The following NAALADL2 variants were observed in gnomAD, a reference collection of about 807,000 sequenced individuals.
NAALADL2 encodes inactive N-acetylated-alpha-linked acidic dipeptidase-like protein 2.
A neutral mutation model predicts 87.2 loss-of-function variants in NAALADL2; 76 were observed. The ratio of observed to expected loss-of-function variants is 0.87; its 90% CI spans 0.72 to 1.05. NAALADL2 has a LOEUF of 1.05. Among genes scored for constraint, NAALADL2 ranks in the 50% least tolerant of loss-of-function variants. The probability of loss-of-function intolerance (pLI) is 0.00; values close to 1 mark genes in which losing one functional copy is unlikely to be tolerated. For missense variants in NAALADL2, 1,089 were observed against 945.8 expected (o/e 1.15, Z -1.99); for synonymous variants, 354 against 331.0 (o/e 1.07, Z -0.75).
chr3:175,698,411 G>T (rs1330570666), intron 11 of NAALADL2, among the ~76,000 whole-genome samples: 5 of 53,958 alleles, frequency 9.3e-5, no homozygotes, highest in Admixed American at 3.1e-4. Context: ...GTGTATTTAT[G>T]TATGTATACA....
chr3:175,642,492 C>A (rs973239206), intron 11 of NAALADL2, among the ~76,000 whole-genome samples: 1 of 148,988 alleles, frequency 6.7e-6, no homozygotes, highest in African/African-American at 2.5e-5. Flanking sequence ...ATATTCATCA[C>A]CCAAATCTTT....
intron 11 of NAALADL2, among the ~76,000 whole-genome samples, chr3:175,665,317 A>AT (rs1434961505): frequency 6.6e-6 from 1 of 152,194 alleles, no homozygotes; most frequent in Admixed American, 6.5e-5. Flanking sequence ...TTTAAAATAT[A>AT]TTTTTTCAGG....
intron 1 of NAALADL2, among the ~76,000 whole-genome samples, chr3:174,481,122 C>T (rs1717520077): frequency 2.0e-5 from 3 of 152,026 alleles, no homozygotes; most frequent in Admixed American, 2.0e-4. Flanking sequence ...CTAGCATGAG[C>T]AAAAGGCAGA....
At chr3:174,643,069 A>G (rs1459654362) in intron 2 of NAALADL2, among the ~76,000 whole-genome samples, 1 of 152,172 alleles carries the variant, frequency 6.6e-6, no homozygotes, top group Non-Finnish European at 1.5e-5. Context: ...GGCATGAGCC[A>G]CCAAATATGG....
chr3:175,170,135 C>A (rs1203523490), intron 2 of NAALADL2, among the ~76,000 whole-genome samples: 1 of 151,648 alleles, frequency 6.6e-6, no homozygotes, highest in Non-Finnish European at 1.5e-5. Flanking sequence ...GAAATGAATT[C>A]CTAATTCCCA....
intron 1 of NAALADL2, among the ~76,000 whole-genome samples, chr3:175,054,415 C>G (rs1198238995): frequency 1.3e-5 from 2 of 152,188 alleles, no homozygotes; most frequent in Non-Finnish European, 2.9e-5. Context: ...AGAAGGCAAT[C>G]CTGGCTGTAA....
intron 9 of NAALADL2, among the ~76,000 whole-genome samples, chr3:175,537,693 C>T (rs1429929975): frequency 6.6e-6 from 1 of 152,138 alleles, no homozygotes; most frequent in Non-Finnish European, 1.5e-5. Flanking sequence ...TAGAATCTCA[C>T]TACCTGACAT....
chr3:174,753,691 C>T (rs79270946), intron 3 of NAALADL2, among the ~76,000 whole-genome samples: 2,099 of 152,214 alleles, frequency 0.014, 13 homozygotes, highest in Middle Eastern at 0.021. Flanking sequence ...GCTTAGTACG[C>T]CTCCTCTCTA....
At chr3:175,316,333 T>A (rs1759133807) in intron 4 of NAALADL2, among the ~76,000 whole-genome samples, 1 of 152,116 alleles carries the variant, frequency 6.6e-6, no homozygotes, top group African/African-American at 2.4e-5. Flanking sequence ...CTCATCTACA[T>A]TTTCTCTGAC....
rs201738058 is a variant in NAALADL2 at position 175,050,362 on chromosome 3, A to G, written c.44-46428A>G. 3.3e-5 allele frequency among the ~76,000 whole-genome samples: 5 copies of G among 152,082 alleles called. No individual in the cohort carries two copies. In the East Asian group the frequency reaches 9.6e-4, roughly 29 times the overall value. ...ACTGCAGCCTCTGCCTCCTGGGTTC[A>G]AACAGTTCTCCTGCTCAGCCTCCCG... On this transcript the variant is annotated intron_variant, in intron 1 of 13. Transcript: ENST00000454872.
chr3:175,463,045 T>C (rs1723398237), intron 6 of NAALADL2, among the ~76,000 whole-genome samples: 1 of 152,198 alleles, frequency 6.6e-6, no homozygotes, highest in Non-Finnish European at 1.5e-5. Context: ...TTTAATCTAT[T>C]TTTTTCTGTT....
At chr3:175,286,916 A>G (rs1331287616) in intron 4 of NAALADL2, among the ~76,000 whole-genome samples, 2 of 150,622 alleles carry the variant, frequency 1.3e-5, no homozygotes, top group African/African-American at 4.9e-5. Context: ...GTGAGACTCT[A>G]TCTCTACAAA....
At chr3:174,466,273 A>AT (rs1326538046) in intron 1 of NAALADL2, among the ~76,000 whole-genome samples, 2,886 of 137,658 alleles carry the variant, frequency 0.021, 47 homozygotes, top group East Asian at 0.046. Flanking sequence ...ACATTATGAG[A>AT]TTTTTTTTTT....
intron 3 of NAALADL2, among the ~76,000 whole-genome samples, chr3:174,794,362 G>A (rs903642994): frequency 2.6e-5 from 4 of 151,916 alleles, no homozygotes; most frequent in South Asian, 4.1e-4. Flanking sequence ...ATATAAATCC[G>A]AACTAATATA....
chr3:174,656,668 T>G (rs2108767707), intron 2 of NAALADL2, among the ~76,000 whole-genome samples: 1 of 152,338 alleles, frequency 6.6e-6, no homozygotes, highest in African/African-American at 2.4e-5. Context: ...TGGTCTTTGC[T>G]AAAATTATTA....
intron 1 of NAALADL2, among the ~76,000 whole-genome samples, chr3:174,881,573 CT>C (rs1729198684): frequency 6.6e-6 from 1 of 152,012 alleles, no homozygotes; most frequent in Non-Finnish European, 1.5e-5. Flanking sequence ...ATTTTCAAGA[CT>C]TTATGTTTGT....
chr3:175,356,862 A>G (rs1270301710), intron 5 of NAALADL2, among the ~76,000 whole-genome samples: 1 of 152,094 alleles, frequency 6.6e-6, no homozygotes, highest in African/African-American at 2.4e-5. Flanking sequence ...GTATGTTGAC[A>G]TGTGAAAGAG....
chr3:175,737,239 A>C, intron 11 of NAALADL2, 67 bp from the exon 12 acceptor site: 2 of 931,454 alleles, frequency 2.1e-6, no homozygotes, highest in Non-Finnish European at 3.5e-6. Context: ...TGAAATAATG[A>C]AAAACAAACA....
chr3:175,398,508 G>A (rs535702580), intron 5 of NAALADL2, among the ~76,000 whole-genome samples: 25 of 151,776 alleles, frequency 1.6e-4, no homozygotes, highest in Middle Eastern at 3.4e-3. Context: ...TTAGGGCTAA[G>A]TTACTCTTAG....
Sources: gnomAD v4.1 joint callset for allele counts (sites outside exome capture counted in the v4.1 genomes callset) on GRCh38, gnomAD v4.1.1 for gene constraint, MANE v1.5 for transcripts, NCBI Gene and HGNC (gene_info 2026-07-23, HGNC 2026-07-21) for gene names.